The following TDRD10 variants were observed in gnomAD, a reference collection of about 807,000 sequenced individuals.
TDRD10 encodes the protein tudor domain containing 10, also known as tudor domain-containing protein 10.
Under a neutral mutation model 48.0 loss-of-function variants are expected in TDRD10, and 40 were observed. The observed-to-expected ratio is 0.83, with a 90% CI of 0.65 to 1.09. The LOEUF (loss-of-function observed/expected upper bound fraction) is 1.09, where lower values mean the gene tolerates loss of function less well. TDRD10 is among the 50% of genes least tolerant of loss of function. TDRD10 has a pLI of 0.00. For missense variants in TDRD10, 378 were observed against 434.7 expected (o/e 0.87, Z 1.16); for synonymous variants, 162 against 170.4 (o/e 0.95, Z 0.38).
chr1:154,505,384 T>C (rs1277678120), intron 1 of TDRD10, among the ~76,000 whole-genome samples: 1 of 152,196 alleles, frequency 6.6e-6, no homozygotes, highest in East Asian at 1.9e-4. Flanking sequence ...TTTCCAGAGA[T>C]TACCAGGAAC....
Position 154,547,780 on chromosome 1 carries a change from G to C in TDRD10, c.*70G>C. The C allele has an allele frequency of 6.3e-7, 1 of 1,584,496 alleles. No homozygotes were observed. Among genetic ancestry groups the C allele is most frequent in the East Asian group, 2.2e-5 (1 of 44,754 alleles). On this transcript the variant is annotated 3_prime_UTR_variant, in exon 13 of 13. Transcript: ENST00000368482. ...CAGAGGCCACCTGCCCTGTCTTCTC[G>C]TACCCCTTTCACTCTTGAGGCCTGG... is the stretch of plus-strand genomic sequence containing the variant.
Position 154,516,995 on chromosome 1 carries a change from G to A in TDRD10, c.142-3309G>A, listed in dbSNP as rs886567916. 9.2e-5 allele frequency among the ~76,000 whole-genome samples: 14 copies of A among 152,278 alleles called. No individual in the cohort carries two copies. The South Asian group carries it at 1.0e-3, about 11-fold the overall frequency. ...ATTGTAGGTTCGGGTGGGACAGGAC[G>A]GCTAGGAGAAAAGGGTCAGAGTCAG... On this transcript the variant is annotated intron_variant, in intron 4 of 12. Transcript: ENST00000368482.
At chr1:154,533,015 T>G (rs886632291) in intron 6 of TDRD10, among the ~76,000 whole-genome samples, 2 of 152,066 alleles carry the variant, frequency 1.3e-5, no homozygotes, top group African/African-American at 4.8e-5. Flanking sequence ...CTCTGTGAGG[T>G]GGGTATGGAA....
chr1:154,504,711 A>T (rs749953720), intron 1 of TDRD10, among the ~76,000 whole-genome samples: 2 of 152,166 alleles, frequency 1.3e-5, no homozygotes, highest in Non-Finnish European at 2.9e-5. Context: ...CTCACTTTTT[A>T]ATTGGTTTAT....
At position 154,544,452 on chromosome 1, in the gene TDRD10, C is replaced by A; in HGVS notation, c.732C>A (p.Thr244=). 6.2e-7 allele frequency: 1 copy of A among 1,612,594 alleles called. No homozygotes were observed. Among genetic ancestry groups the A allele is most frequent in the Non-Finnish European group, 8.5e-7 (1 of 1,179,646 alleles). Residue 244 remains threonine, a synonymous_variant, in exon 10 of 13, where the codon ACC becomes ACA. Coordinates refer to ENST00000368482, the MANE Select transcript of TDRD10 (RefSeq NM_182499.4). ...AGCAGCCCTACCTGGAGGGCTCCAC[C>A]GTTATGCGCGGGACTCGCTGTCTGG... is the stretch of plus-strand genomic sequence containing the variant. ...EEQQPYLEGS[T]VMRGTRCLAE... is the part of the protein sequence containing the mutation.
At chr1:154,521,102 A>G (rs1694031213) in intron 5 of TDRD10, among the ~76,000 whole-genome samples, 1 of 152,216 alleles carries the variant, frequency 6.6e-6, no homozygotes, top group South Asian at 2.1e-4. Context: ...GCATAGTGAA[A>G]GTCAGCTCAT....
chr1:154,538,278 G>A (rs1335387463), intron 6 of TDRD10, among the ~76,000 whole-genome samples: 2 of 152,170 alleles, frequency 1.3e-5, no homozygotes, highest in East Asian at 1.9e-4. Context: ...GCCAGGCACC[G>A]TGGCTCACGC....
rs145509785 is a variant in TDRD10 at position 154,520,197 on chromosome 1, G to A, written c.142-107G>A. ...ACAGCACATAATAGATCCTCATTAA[G>A]TATGAGTTAAATTGAGTCCAGACTA... On this transcript the variant is annotated intron_variant, in intron 4 of 12. Transcript: ENST00000368482. 1.4e-3 allele frequency: 1,070 copies of A among 775,166 alleles called. 8 individuals are homozygous for A. In the African/African-American group the frequency reaches 0.016, roughly 12 times the overall value. The allele number at this position is 775,166 out of a possible 1,614,324, so 48.0% of individuals were successfully genotyped here. A position where few individuals can be genotyped will look rare whatever the true frequency, so the allele number is the denominator to read the frequency against.
rs1417189914 is a variant in TDRD10 at position 154,544,270 on chromosome 1, C to T, written c.652-102C>T. On this transcript the variant is annotated intron_variant, in intron 9 of 12. Coordinates refer to ENST00000368482, the MANE Select transcript of TDRD10 (RefSeq NM_182499.4). ...CTCTCTCCCACCTCATACCTGATGG[C>T]CTTGGGACGGATTAGCGGTGCTAAC... is the stretch of plus-strand genomic sequence containing the variant. The T allele has an allele frequency of 1.9e-6, 3 of 1,540,402 alleles. No homozygotes were observed. The East Asian group carries it at 7.3e-5, about 37-fold the overall frequency.
Position 154,544,490 on chromosome 1 carries a change from T to C in TDRD10, c.770T>C (p.Leu257Pro), listed in dbSNP as rs1331510919. Residue 257 changes from leucine (L) to proline (P), a missense_variant, in exon 10 of 13, where the codon CTG becomes CCG. Leu to Pro is a moderately conservative substitution (Grantham distance 98, BLOSUM62 -3). Coordinates refer to ENST00000368482, the MANE Select transcript of TDRD10 (RefSeq NM_182499.4). ...ACTCGCTGTCTGGCAGAGTACCACC[T>C]GGGGGATTATGGACACGCCTGGAAC... ...RGTRCLAEYH[L>P]GDYGHAWNRC... 3.1e-6 allele frequency: 5 copies of C among 1,613,726 alleles called. No individual in the cohort carries two copies. Among genetic ancestry groups the C allele is most frequent in the Non-Finnish European group, 4.2e-6 (5 of 1,179,976 alleles).
intron 6 of TDRD10, among the ~76,000 whole-genome samples, chr1:154,527,692 T>C (rs534217544): frequency 7.9e-5 from 12 of 151,808 alleles, no homozygotes; most frequent in Non-Finnish European, 1.8e-4. Flanking sequence ...TCTTTGAAAG[T>C]TGATGTATAA....
chr1:154,519,411 A>AGCCC (rs1693937091), intron 4 of TDRD10, among the ~76,000 whole-genome samples: 6 of 152,186 alleles, frequency 3.9e-5, no homozygotes, highest in Non-Finnish European at 8.8e-5. Context: ...TCCAGAGAAA[A>AGCCC]ATTGGTTTTC....
rs116816065 is a variant in TDRD10 at position 154,526,461 on chromosome 1, G to A, written c.369+4982G>A. Among the ~76,000 whole-genome samples the A allele has an allele frequency of 9.0e-3, 1,342 of 148,418 alleles. 22 individuals are homozygous for A. Among genetic ancestry groups the A allele is most frequent in the African/African-American group, 0.032 (1,275 of 39,716 alleles). ...TTGAGACAAAGTCTTGCTCTGTCAC[G>A]TGGCTGGAGTGCAGAGGCGCGATCT... On this transcript the variant is annotated intron_variant, in intron 6 of 12. Transcript: ENST00000368482.
At chr1:154,503,153 G>C (rs1692900832) in intron 1 of TDRD10, 124 bp downstream of exon 1, 1 of 152,316 alleles carries the variant, frequency 6.6e-6, no homozygotes, top group Non-Finnish European at 1.5e-5. Context: ...CTGTTCCCGC[G>C]GGGCCGTCGC....
At chr1:154,515,256 C>A (rs532080967) in intron 4 of TDRD10, among the ~76,000 whole-genome samples, 4 of 152,198 alleles carry the variant, frequency 2.6e-5, no homozygotes, top group South Asian at 4.1e-4. Context: ...CCTCGGCCTC[C>A]CAAAGTGCTG....
intron 4 of TDRD10, among the ~76,000 whole-genome samples, chr1:154,518,731 A>T (rs1693900772): frequency 6.6e-6 from 1 of 152,170 alleles, no homozygotes; most frequent in Non-Finnish European, 1.5e-5. Context: ...GTGCCCAGCC[A>T]CATAGTAAGT....
chr1:154,517,256 T>C (rs1693818126), intron 4 of TDRD10, among the ~76,000 whole-genome samples: 1 of 152,194 alleles, frequency 6.6e-6, no homozygotes, highest in South Asian at 2.1e-4. Flanking sequence ...GTCTGCATAT[T>C]TGTCTGTGGC....
At chr1:154,542,638 T>G in intron 7 of TDRD10, 93 bp from the exon 8 acceptor site, 1 of 956,778 alleles carries the variant, frequency 1.0e-6, no homozygotes, top group Non-Finnish European at 1.6e-6. Context: ...TATGCTTCCT[T>G]GGAGGGCAGG....
chr1:154,508,125 A>G (rs1693251006), intron 3 of TDRD10, among the ~76,000 whole-genome samples: 1 of 152,188 alleles, frequency 6.6e-6, no homozygotes, highest in South Asian at 2.1e-4. Context: ...ATTGATAAGT[A>G]TTGCTGAATG....
Sources: allele counts gnomAD v4.1 joint callset (sites outside exome capture counted in the v4.1 genomes callset), GRCh38; gene constraint gnomAD v4.1.1; transcripts MANE v1.5; gene names NCBI Gene and HGNC (gene_info 2026-07-23, HGNC 2026-07-21).